Variants in GPATCH2 observed in about 807,000 individuals in gnomAD.
GPATCH2 encodes G patch domain-containing protein 2.
GPATCH2 carries 51 observed loss-of-function variants against 58.0 expected under a neutral mutation model. The ratio of observed to expected loss-of-function variants is 0.88; its 90% CI spans 0.70 to 1.11. GPATCH2 has a LOEUF of 1.11. Ranked by LOEUF, GPATCH2 falls within the 50% of genes most tolerant of loss-of-function variation. The pLI is 0.00. For synonymous variants in GPATCH2, 222 were observed against 218.5 expected (o/e 1.02, Z -0.14); for missense variants, 625 against 652.2 (o/e 0.96, Z 0.45).
intron 5 of GPATCH2, among the ~76,000 whole-genome samples, chr1:217,566,088 C>A (rs1571929335): frequency 1.8e-5 from 1 of 55,704 alleles, no homozygotes; most frequent in Non-Finnish European, 3.3e-5. Flanking sequence ...GCAACAAGAG[C>A]AAAACTCCGT....
intron 5 of GPATCH2, 57 bp from the exon 6 acceptor site, chr1:217,514,946 TG>T: frequency 1.3e-6 from 1 of 785,048 alleles, no homozygotes; most frequent in Non-Finnish European, 2.2e-6. Flanking sequence ...AAAACGACCA[TG>T]GATAATAGTG....
At chr1:217,574,082 A>C (rs527582895) in intron 5 of GPATCH2, among the ~76,000 whole-genome samples, 1 of 152,338 alleles carries the variant, frequency 6.6e-6, no homozygotes, top group Admixed American at 6.5e-5. Flanking sequence ...CACTGTTTGA[A>C]TATTAAGATA....
intron 1 of GPATCH2, among the ~76,000 whole-genome samples, chr1:217,626,269 G>A (rs1479922287): frequency 6.6e-6 from 1 of 152,126 alleles, no homozygotes; most frequent in African/African-American, 2.4e-5. Flanking sequence ...AAAATTCAGT[G>A]TGTACAAAAA....
chr1:217,590,940 A>AAAG (rs1667563187), intron 5 of GPATCH2, among the ~76,000 whole-genome samples: 1 of 152,226 alleles, frequency 6.6e-6, no homozygotes, highest in Non-Finnish European at 1.5e-5. Context: ...AGCTAGAGAG[A>AAAG]ATTCAGGTAT....
chr1:217,462,992 A>G (rs571153190), intron 8 of GPATCH2, among the ~76,000 whole-genome samples: 33 of 152,332 alleles, frequency 2.2e-4, no homozygotes, highest in African/African-American at 7.9e-4. Context: ...GATTAAAGAA[A>G]TGTGTGCCTC....
intron 5 of GPATCH2, among the ~76,000 whole-genome samples, chr1:217,605,948 A>C (rs1668342693): frequency 6.6e-6 from 1 of 152,130 alleles, no homozygotes; most frequent in Non-Finnish European, 1.5e-5. Context: ...ATATCCCTTG[A>C]AATTAATGAC....
At position 217,523,518 on chromosome 1, in the gene GPATCH2, G is replaced by A. The variant is rs529716470; in HGVS notation, c.1099-8629C>T. Among the ~76,000 whole-genome samples, 463 of 151,554 alleles carry A rather than the reference G, an allele frequency of 3.1e-3. 15 individuals carry two copies. Among genetic ancestry groups the A allele is most frequent in the African/African-American group, 0.011 (444 of 41,028 alleles). ...AGGTCACAGATCAACAGGATCCCAAGGCAGAAGAATTTTTCTTAGTACAGA... is the reference window on the plus strand; with the variant it reads ...AGGTCACAGATCAACAGGATCCCAAAGCAGAAGAATTTTTCTTAGTACAGA... On this transcript the variant is annotated intron_variant, in intron 5 of 9. Coordinates refer to ENST00000366935, the MANE Select transcript of GPATCH2 (RefSeq NM_018040.5).
At chr1:217,596,575 T>C (rs1667840575) in intron 5 of GPATCH2, among the ~76,000 whole-genome samples, 1 of 152,222 alleles carries the variant, frequency 6.6e-6, no homozygotes, top group Non-Finnish European at 1.5e-5. Flanking sequence ...ATGTTAGCTA[T>C]TATAATGAAT....
chr1:217,486,334 A>T (rs761597303), intron 8 of GPATCH2, among the ~76,000 whole-genome samples: 20 of 152,128 alleles, frequency 1.3e-4, no homozygotes. Context: ...TTCTGCTTCT[A>T]TTGGAATCTG....
At chr1:217,627,898 TATAGGAAATA>T in intron 1 of GPATCH2, among the ~76,000 whole-genome samples, 1 of 152,168 alleles carries the variant, frequency 6.6e-6, no homozygotes, top group African/African-American at 2.4e-5. Context: ...AAAAGCTGCC[TATAGGAAATA>T]AAGTCAGTTT....
chr1:217,586,592 C>T (rs147087945), intron 5 of GPATCH2, among the ~76,000 whole-genome samples: 2,797 of 152,242 alleles, frequency 0.018, 42 homozygotes, highest in Middle Eastern at 0.088. Flanking sequence ...TTTACGGTTA[C>T]ATTTTTGAAG....
chr1:217,488,397 C>T (rs931578119), intron 8 of GPATCH2, among the ~76,000 whole-genome samples: 1 of 152,116 alleles, frequency 6.6e-6, no homozygotes, highest in African/African-American at 2.4e-5. Flanking sequence ...TTGCTTTATA[C>T]ATTTTGAGGT....
At chr1:217,435,544 A>C (rs1470756935) in intron 9 of GPATCH2, among the ~76,000 whole-genome samples, 1 of 152,192 alleles carries the variant, frequency 6.6e-6, no homozygotes, top group Admixed American at 6.5e-5. Flanking sequence ...CTTCCCATAG[A>C]ACAGCTAGTG....
rs531132406 is a variant in GPATCH2 at position 217,625,191 on chromosome 1, G to T, written c.57-4692C>A. Among the ~76,000 whole-genome samples, 50 of 152,258 alleles carry T rather than the reference G, an allele frequency of 3.3e-4. 2 individuals are homozygous for T. Among genetic ancestry groups the T allele is most frequent in the African/African-American group, 1.0e-3 (43 of 41,546 alleles). ...AGTGAACTATTATCCTTGGGTTCCT[G>T]ATCTATTCTAATAAATTCAGGCTCT... On this transcript the variant is annotated intron_variant, in intron 1 of 9. Coordinates refer to ENST00000366935, the MANE Select transcript of GPATCH2 (RefSeq NM_018040.5).
At chr1:217,455,906 G>C (rs979745480) in intron 8 of GPATCH2, among the ~76,000 whole-genome samples, 4 of 152,028 alleles carry the variant, frequency 2.6e-5, no homozygotes, top group Non-Finnish European at 5.9e-5. Context: ...TGGTGTGGCA[G>C]AGAGAAGAGA....
chr1:217,454,482 G>A (rs577408864), intron 8 of GPATCH2, among the ~76,000 whole-genome samples: 3 of 151,448 alleles, frequency 2.0e-5, no homozygotes, highest in African/African-American at 7.3e-5. Flanking sequence ...CCAGCTACTC[G>A]GGAGGCTGAG....
rs372586756 is a variant in GPATCH2 at position 217,548,777 on chromosome 1, T to C, written c.1099-33888A>G. 2.0e-5 allele frequency among the ~76,000 whole-genome samples: 3 copies of C among 152,090 alleles called. No homozygotes were observed. The East Asian group carries it at 5.8e-4, about 29-fold the overall frequency. ...TGATGGTTTTATAAGCATCTGGCAT[T>C]TCCCCTGCTGGCACTCATTCTCTCC... On this transcript the variant is annotated intron_variant, in intron 5 of 9. Coordinates refer to ENST00000366935, the MANE Select transcript of GPATCH2 (RefSeq NM_018040.5).
At chr1:217,532,972 C>T (rs1664276952) in intron 5 of GPATCH2, among the ~76,000 whole-genome samples, 1 of 146,748 alleles carries the variant, frequency 6.8e-6, no homozygotes, top group African/African-American at 2.5e-5. Context: ...CATCATAGCT[C>T]ACTGCAGCCT....
rs114713578 is a variant in GPATCH2 at position 217,486,120 on chromosome 1, A to G, written c.1277+5560T>C. 3.2e-3 allele frequency among the ~76,000 whole-genome samples: 489 copies of G among 152,350 alleles called. 5 individuals carry two copies. The highest frequency in any genetic ancestry group is 0.011 in the African/African-American group (449 of 41,586). ...TATTTAATCCATAGACAATTTGAAGAAAACCGATCTTAAGATATTGAGTCT... is the reference window on the plus strand; with the variant it reads ...TATTTAATCCATAGACAATTTGAAGGAAACCGATCTTAAGATATTGAGTCT... On this transcript the variant is annotated intron_variant, in intron 8 of 9. Transcript: ENST00000366935.
Sources: gnomAD v4.1 joint callset for allele counts (sites outside exome capture counted in the v4.1 genomes callset) on GRCh38, gnomAD v4.1.1 for gene constraint, MANE v1.5 for transcripts, NCBI Gene and HGNC (gene_info 2026-07-23, HGNC 2026-07-21) for gene names.